The following TRIM14 variants were observed in gnomAD, a reference collection of about 807,000 sequenced individuals.
TRIM14 encodes the protein tripartite motif containing 14, also known as tripartite motif-containing protein 14.
TRIM14 carries 28 observed loss-of-function variants against 44.5 expected under a neutral mutation model. The observed-to-expected ratio is 0.63, with a 90% CI of 0.47 to 0.86. The LOEUF (loss-of-function observed/expected upper bound fraction) is 0.86. Among genes scored for constraint, TRIM14 ranks in the 40% least tolerant of loss-of-function variants. The pLI is 0.00. For missense variants in TRIM14, 607 were observed against 611.1 expected, an observed-to-expected ratio of 0.99 and a Z score of 0.07; for synonymous variants, 299 against 269.2, an observed-to-expected ratio of 1.11 and a Z score of -1.08.
chr9:98,082,214 G>T (rs1829897930), downstream of TRIM14: 1 of 152,176 alleles, frequency 6.6e-6, no homozygotes, highest in Non-Finnish European at 1.5e-5. Flanking sequence ...CTTGCCATCT[G>T]CATAACAGCC....
intron 5 of TRIM14, among the ~76,000 whole-genome samples, chr9:98,089,895 T>C (rs1825936013): frequency 6.6e-6 from 1 of 152,228 alleles, no homozygotes; most frequent in Non-Finnish European, 1.5e-5. Flanking sequence ...TCCCCTAAGC[T>C]AATCTTTAGA....
At chr9:98,105,912 C>T (rs1587967820) in intron 2 of TRIM14, among the ~76,000 whole-genome samples, 1 of 152,224 alleles carries the variant, frequency 6.6e-6, no homozygotes, top group Admixed American at 6.5e-5. Flanking sequence ...GTCATTCATC[C>T]AGGGTCACAG....
intron 1 of TRIM14, among the ~76,000 whole-genome samples, chr9:98,114,561 A>T (rs1414973733): frequency 1.3e-5 from 2 of 152,134 alleles, no homozygotes; most frequent in Non-Finnish European, 2.9e-5. Context: ...TGACCTCGTG[A>T]TCGGCCCGCC....
At chr9:98,082,643 C>T (rs1392438265), downstream of TRIM14, among the ~76,000 whole-genome samples, 1 of 152,202 alleles carries the variant, frequency 6.6e-6, no homozygotes, top group Non-Finnish European at 1.5e-5. Flanking sequence ...TGTAAAGGCT[C>T]CTCCTCTGAG....
the TRIM14 span, among the ~76,000 whole-genome samples, chr9:98,060,408 C>T: frequency 2.6e-5 from 4 of 152,312 alleles, no homozygotes; most frequent in South Asian, 4.1e-4. Context: ...GTGACTCATG[C>T]CTGTAATCCC....
intron 2 of TRIM14, among the ~76,000 whole-genome samples, chr9:98,106,970 G>A (rs1826637903): frequency 6.6e-6 from 1 of 152,006 alleles, no homozygotes; most frequent in South Asian, 2.1e-4. Context: ...GGGACTACAG[G>A]CATGTGCCAC....
chr9:98,092,339 A>C (rs530645686), intron 4 of TRIM14, among the ~76,000 whole-genome samples: 1 of 152,350 alleles, frequency 6.6e-6, no homozygotes, highest in Admixed American at 6.5e-5. Context: ...GCTCAGAAAG[A>C]AAGAAGGAGG....
chr9:98,051,081 A>C, the TRIM14 span, among the ~76,000 whole-genome samples: 6 of 152,162 alleles, frequency 3.9e-5, no homozygotes, highest in Non-Finnish European at 7.4e-5. Context: ...GCATGGTTGC[A>C]CATTTCTTTC....
the TRIM14 span, among the ~76,000 whole-genome samples, chr9:98,063,596 C>A: frequency 6.6e-6 from 1 of 151,508 alleles, no homozygotes; most frequent in East Asian, 1.9e-4. Context: ...TGCTGGAGTG[C>A]AACGATGCAA....
At chr9:98,091,034 T>C (rs536062675) in intron 5 of TRIM14, among the ~76,000 whole-genome samples, 1 of 152,342 alleles carries the variant, frequency 6.6e-6, no homozygotes, top group East Asian at 1.9e-4. Context: ...AACTGGATAC[T>C]GAGCCTTCTT....
At chr9:98,069,065 G>A (rs1245486305), downstream of TRIM14, among the ~76,000 whole-genome samples, 2 of 152,234 alleles carry the variant, frequency 1.3e-5, no homozygotes, top group East Asian at 3.9e-4. Context: ...TTTATCATAT[G>A]ACCCACCAGT....
intron 6 of TRIM14, chr9:98,074,588 G>C (rs549385031): frequency 2.0e-4 from 31 of 152,314 alleles, no homozygotes; most frequent in African/African-American, 7.2e-4. Context: ...CTCCCCAGGA[G>C]GCGGCAAAAT....
At chr9:98,113,508 C>G (rs983536040) in intron 1 of TRIM14, among the ~76,000 whole-genome samples, 2 of 152,128 alleles carry the variant, frequency 1.3e-5, no homozygotes, top group African/African-American at 4.8e-5. Flanking sequence ...GCACACACCA[C>G]CACACGCAGC....
At position 98,094,937 on chromosome 9, in the gene TRIM14, G is replaced by A; in HGVS notation, c.630C>T (p.Ser210=). 1.2e-6 allele frequency: 2 copies of A among 1,614,202 alleles called. No individual in the cohort carries two copies. The highest frequency in any genetic ancestry group is 1.7e-6 in the Non-Finnish European group (2 of 1,180,022). ...PVPLSFEPVK[S]FFKGLVEAVE... ...CGGCTTCCACGAGGCCCTTAAAGAA[G>A]CTCTTGACGGGCTCAAAGGAGAGGG... is the stretch of plus-strand genomic sequence containing the variant. Residue 210 remains serine, a synonymous_variant, in exon 4 of 6, where the codon AGC becomes AGT. Transcript: ENST00000341469.
Position 98,091,765 on chromosome 9 carries a change from T to C in TRIM14, c.793+144A>G, listed in dbSNP as rs546656042. Reference sequence around the variant, plus strand: ...TTTATTGCCTTTAATAATAAACATTTTTTAAAAAACAAGTTCTTAAAATAA... The same window carrying C: ...TTTATTGCCTTTAATAATAAACATTCTTTAAAAAACAAGTTCTTAAAATAA... On this transcript the variant is annotated intron_variant, in intron 5 of 5. Coordinates refer to ENST00000341469, the MANE Select transcript of TRIM14 (RefSeq NM_014788.4). 4 of 464,718 alleles carry C rather than the reference T, an allele frequency of 8.6e-6. No individual in the cohort carries two copies. The East Asian group carries it at 1.5e-4, about 18-fold the overall frequency. The allele number at this position is 464,718 out of a possible 1,614,324, so 28.8% of individuals were successfully genotyped here.
the TRIM14 span, among the ~76,000 whole-genome samples, chr9:98,050,660 T>C: frequency 2.0e-5 from 3 of 152,044 alleles, no homozygotes; most frequent in African/African-American, 7.3e-5. Context: ...TAGGTGAGAG[T>C]TCTTACTTAG....
chr9:98,092,425 G>T, intron 4 of TRIM14: 1 of 314,530 alleles, frequency 3.2e-6, no homozygotes, highest in South Asian at 2.5e-5. Flanking sequence ...TGCCTGGACA[G>T]CCCCCCCACA....
intron 6 of TRIM14, among the ~76,000 whole-genome samples, chr9:98,072,705 G>A (rs762055873): frequency 2.0e-5 from 3 of 152,098 alleles, no homozygotes; most frequent in African/African-American, 4.8e-5. Flanking sequence ...CACCGTGCCC[G>A]GCAGGAAAGT....
downstream of TRIM14, among the ~76,000 whole-genome samples, chr9:98,083,602 C>A (rs1829988006): frequency 6.6e-6 from 1 of 152,248 alleles, no homozygotes; most frequent in African/African-American, 2.4e-5. Context: ...GGCATGTGTT[C>A]CTTCTCTGAA....
Sources: gnomAD v4.1 joint callset for allele counts (sites outside exome capture counted in the v4.1 genomes callset) on GRCh38, gnomAD v4.1.1 for gene constraint, MANE v1.5 for transcripts, NCBI Gene and HGNC (gene_info 2026-07-23, HGNC 2026-07-21) for gene names.